The following SKAP1 variants were observed in gnomAD, a reference collection of about 807,000 sequenced individuals.
The protein encoded by SKAP1 is src kinase associated phosphoprotein 1, also known as src kinase-associated phosphoprotein 1.
Under a neutral mutation model 58.5 loss-of-function variants are expected in SKAP1, and 44 were observed. The ratio of observed to expected loss-of-function variants is 0.75; its 90% confidence interval spans 0.59 to 0.97. The LOEUF is 0.97. SKAP1 is among the 50% of genes least tolerant of loss of function. The pLI, the probability that SKAP1 is intolerant of heterozygous loss-of-function variation, is 0.00. For missense variants in SKAP1, 390 were observed against 435.2 expected, an observed-to-expected ratio of 0.90 and a Z score of 0.92; for synonymous variants, 127 against 149.7, an observed-to-expected ratio of 0.85 and a Z score of 1.11.
At chr17:48,159,300 G>A (rs577879941) in intron 11 of SKAP1, among the ~76,000 whole-genome samples, 2 of 152,174 alleles carry the variant, frequency 1.3e-5, no homozygotes, top group Non-Finnish European at 2.9e-5. Flanking sequence ...GAATGTCTGA[G>A]GTAGAAGGAT....
intron 4 of SKAP1, among the ~76,000 whole-genome samples, chr17:48,293,968 A>G (rs945566513): frequency 1.3e-5 from 2 of 152,176 alleles, no homozygotes; most frequent in Non-Finnish European, 2.9e-5. Context: ...AGAGGAAAAA[A>G]CTGCAGATCA....
intron 11 of SKAP1, among the ~76,000 whole-genome samples, chr17:48,153,786 C>T (rs117057869): frequency 6.7e-6 from 1 of 150,260 alleles, no homozygotes; most frequent in African/African-American, 2.5e-5. Context: ...TCCCAGATAA[C>T]CCCCCACCCA....
chr17:48,273,422 GTT>G (rs61407419), intron 4 of SKAP1, among the ~76,000 whole-genome samples: 1,494 of 145,910 alleles, frequency 0.01, 23 homozygotes, highest in South Asian at 0.033. Context: ...TTTTATCACT[GTT>G]TTTTTTTTTT....
upstream of SKAP1, among the ~76,000 whole-genome samples, chr17:48,431,301 C>A (rs538696751): frequency 2.4e-4 from 36 of 152,186 alleles, no homozygotes; most frequent in South Asian, 4.1e-3. Context: ...CAGAGCAAGA[C>A]CCTGTCTCTT....
chr17:48,394,129 C>T (rs2067385091), intron 2 of SKAP1, among the ~76,000 whole-genome samples: 1 of 151,812 alleles, frequency 6.6e-6, no homozygotes, highest in African/African-American at 2.4e-5. Context: ...AGGCTGAGGT[C>T]GGGGGATCGC....
At chr17:48,425,056 G>A (rs2067841985) in intron 1 of SKAP1, among the ~76,000 whole-genome samples, 1 of 151,910 alleles carries the variant, frequency 6.6e-6, no homozygotes, top group Non-Finnish European at 1.5e-5. Context: ...TCAGGAGTTC[G>A]AGACCAGCCT....
Position 48,410,582 on chromosome 17 carries a change from C to T in SKAP1, c.47-13797G>A, listed in dbSNP as rs559359910. Among the ~76,000 whole-genome samples the T allele has an allele frequency of 1.7e-3, 253 of 152,034 alleles. 2 individuals are homozygous for T. Among genetic ancestry groups the T allele is most frequent in the African/African-American group, 5.8e-3 (240 of 41,462 alleles). On this transcript the variant is annotated intron_variant, in intron 1 of 12. Coordinates refer to ENST00000336915, the MANE Select transcript of SKAP1 (RefSeq NM_003726.4). ...TGTAGTGTCAGAAAGTAAGGAAGTG[C>T]TGAAAACACACACACACACAAGCAC...
chr17:48,139,142 GTGCT>G (rs2144569689), intron 11 of SKAP1, among the ~76,000 whole-genome samples: 1 of 152,082 alleles, frequency 6.6e-6, no homozygotes, highest in South Asian at 2.1e-4. Context: ...GCCTCTCAGA[GTGCT>G]GGGATTACAG....
At chr17:48,317,103 G>A (rs2066298859) in intron 4 of SKAP1, among the ~76,000 whole-genome samples, 1 of 152,124 alleles carries the variant, frequency 6.6e-6, no homozygotes, top group African/African-American at 2.4e-5. Context: ...CAGCCTCTCC[G>A]AGCCATACTG....
At chr17:48,251,057 C>T (rs1252771327) in intron 4 of SKAP1, among the ~76,000 whole-genome samples, 1 of 152,154 alleles carries the variant, frequency 6.6e-6, no homozygotes, top group African/African-American at 2.4e-5. Context: ...GTTAAACATC[C>T]GCTACCCTGA....
chr17:48,315,449 C>T (rs2066275742), intron 4 of SKAP1, among the ~76,000 whole-genome samples: 1 of 152,088 alleles, frequency 6.6e-6, no homozygotes, highest in Non-Finnish European at 1.5e-5. Context: ...ATAATTATGA[C>T]AATTTCCAAA....
At chr17:48,249,599 C>G (rs999710559) in intron 4 of SKAP1, among the ~76,000 whole-genome samples, 4 of 151,744 alleles carry the variant, frequency 2.6e-5, no homozygotes, top group African/African-American at 9.7e-5. Context: ...ATCTGAACCC[C>G]GGAAGTCGAG....
At chr17:48,239,563 GAAAGA>G (rs1275050049) in intron 4 of SKAP1, among the ~76,000 whole-genome samples, 2 of 152,124 alleles carry the variant, frequency 1.3e-5, no homozygotes, top group African/African-American at 4.8e-5. Flanking sequence ...AGTGAATTAA[GAAAGA>G]AAAGAGTGAA....
chr17:48,237,522 A>G (rs1293354206), intron 4 of SKAP1, among the ~76,000 whole-genome samples: 1 of 152,202 alleles, frequency 6.6e-6, no homozygotes, highest in African/African-American at 2.4e-5. Flanking sequence ...AATTTATGCT[A>G]CAAGCAATGA....
At chr17:48,418,290 TA>T (rs1398946775) in intron 1 of SKAP1, among the ~76,000 whole-genome samples, 1 of 152,082 alleles carries the variant, frequency 6.6e-6, no homozygotes, top group Non-Finnish European at 1.5e-5. Context: ...AACTTGTCTC[TA>T]AAAAACCCCA....
At chr17:48,173,960 A>G (rs930031139) in intron 9 of SKAP1, among the ~76,000 whole-genome samples, 1 of 152,238 alleles carries the variant, frequency 6.6e-6, no homozygotes, top group African/African-American at 2.4e-5. Flanking sequence ...TTGCATTTGT[A>G]AAATAGGAGA....
chr17:48,335,338 T>C (rs1268239122), intron 4 of SKAP1, among the ~76,000 whole-genome samples: 1 of 152,012 alleles, frequency 6.6e-6, no homozygotes, highest in Non-Finnish European at 1.5e-5. Context: ...TAATCACTTT[T>C]TGCATTGCCA....
chr17:48,261,939 T>A (rs1031657405), intron 4 of SKAP1, among the ~76,000 whole-genome samples: 4 of 152,206 alleles, frequency 2.6e-5, no homozygotes, highest in Non-Finnish European at 4.4e-5. Context: ...TCAATTTCAT[T>A]CTTCTCCAGA....
chr17:48,302,714 T>G (rs1242543260), intron 4 of SKAP1, among the ~76,000 whole-genome samples: 1 of 152,236 alleles, frequency 6.6e-6, no homozygotes, highest in Non-Finnish European at 1.5e-5. Context: ...TCCATGAGTT[T>G]CTGTGGTGCA....
Sources: gnomAD v4.1 joint callset for allele counts (sites outside exome capture counted in the v4.1 genomes callset) on GRCh38, gnomAD v4.1.1 for gene constraint, MANE v1.5 for transcripts, NCBI Gene and HGNC (gene_info 2026-07-23, HGNC 2026-07-21) for gene names.